The following CAMK1D variants were observed in gnomAD, a reference collection of about 807,000 sequenced individuals.
CAMK1D encodes calcium/calmodulin-dependent protein kinase type 1D.
CAMK1D carries 9 observed loss-of-function variants against 47.7 expected under a neutral mutation model. The observed-to-expected ratio is 0.19, with a 90% CI of 0.11 to 0.33. The LOEUF is 0.33. Ranked by LOEUF, CAMK1D falls within the 10% of genes least tolerant of loss-of-function variation. The probability of loss-of-function intolerance (pLI) is 1.00; values close to 1 mark genes in which losing one functional copy is unlikely to be tolerated. For missense variants in CAMK1D, 291 were observed against 488.7 expected, an observed-to-expected ratio of 0.60 and a Z score of 3.81; for synonymous variants, 184 against 184.9, an observed-to-expected ratio of 0.99 and a Z score of 0.04.
At chr10:12,814,458 C>G (rs1588959940) in intron 7 of CAMK1D, 151 bp downstream of exon 7, 2 of 537,730 alleles carry the variant, frequency 3.7e-6, no homozygotes, top group East Asian at 5.9e-5. Flanking sequence ...ATACCATAGA[C>G]TGGGTGGCTC....
chr10:12,378,315 T>C (rs1361191176), intron 1 of CAMK1D, among the ~76,000 whole-genome samples: 1 of 152,176 alleles, frequency 6.6e-6, no homozygotes. Flanking sequence ...GGTGCAATCA[T>C]AGCTCACTGC....
chr10:12,808,769 A>G (rs964801769), intron 6 of CAMK1D, among the ~76,000 whole-genome samples: 2 of 151,770 alleles, frequency 1.3e-5, no homozygotes, highest in Non-Finnish European at 2.9e-5. Flanking sequence ...CAAGAGCGAA[A>G]CTCCTTCTCA....
intron 2 of CAMK1D, among the ~76,000 whole-genome samples, chr10:12,613,169 G>C (rs752465910): frequency 1.3e-5 from 2 of 152,130 alleles, no homozygotes; most frequent in Non-Finnish European, 2.9e-5. Context: ...CAATCTCAAG[G>C]CTCCAGGAAA....
chr10:12,745,289 C>CA (rs1458250918), intron 3 of CAMK1D, among the ~76,000 whole-genome samples: 1 of 152,224 alleles, frequency 6.6e-6, no homozygotes, highest in Non-Finnish European at 1.5e-5. Flanking sequence ...CTCAGCCTCT[C>CA]AAAGTGCTGG....
chr10:12,412,571 C>T (rs1161237348), intron 1 of CAMK1D, among the ~76,000 whole-genome samples: 3 of 147,234 alleles, frequency 2.0e-5, no homozygotes, highest in East Asian at 2.0e-4. Context: ...TGCAGTGAGC[C>T]GAGATCGTGT....
chr10:12,805,136 G>A (rs567137060), intron 6 of CAMK1D, among the ~76,000 whole-genome samples: 3 of 150,806 alleles, frequency 2.0e-5, no homozygotes, highest in Admixed American at 1.3e-4. Context: ...GCGCACACCT[G>A]TAGTCCCAGC....
chr10:12,753,740 T>C (rs1836098830), intron 3 of CAMK1D, among the ~76,000 whole-genome samples: 1 of 152,204 alleles, frequency 6.6e-6, no homozygotes, highest in African/African-American at 2.4e-5. Context: ...CCAGCATTTC[T>C]AACCCTTCTC....
chr10:12,357,680 T>A (rs976394350), intron 1 of CAMK1D, among the ~76,000 whole-genome samples: 3 of 152,100 alleles, frequency 2.0e-5, no homozygotes, highest in African/African-American at 7.2e-5. Context: ...GGTGCCCGAG[T>A]CAGCGGACCC....
Position 12,466,458 on chromosome 10 carries a change from A to G in CAMK1D, c.93-86767A>G, listed in dbSNP as rs188669039. On this transcript the variant is annotated intron_variant, in intron 1 of 10. Coordinates refer to ENST00000619168, the MANE Select transcript of CAMK1D (RefSeq NM_153498.4). ...AATTTAGCTGGGAGTGGTGGCACAT[A>G]CCTGTAGTCCTAGCTACTTGAGAGG... 2.7e-3 allele frequency among the ~76,000 whole-genome samples: 410 copies of G among 152,096 alleles called. 1 individual carries two copies. The highest frequency in any genetic ancestry group is 4.7e-3 in the Non-Finnish European group (317 of 67,974).
intron 3 of CAMK1D, among the ~76,000 whole-genome samples, chr10:12,690,227 C>T (rs147950753): frequency 6.2e-4 from 94 of 152,298 alleles, no homozygotes; most frequent in African/African-American, 2.1e-3. Flanking sequence ...TGGAGTACTT[C>T]CTGTGCCAGC....
At chr10:12,784,829 G>A (rs879624210) in intron 5 of CAMK1D, among the ~76,000 whole-genome samples, 18 of 152,220 alleles carry the variant, frequency 1.2e-4, no homozygotes, top group Admixed American at 9.8e-4. Flanking sequence ...AAATAATGGT[G>A]TGTGGCGACT....
chr10:12,426,522 G>A (rs1192501220), intron 1 of CAMK1D, among the ~76,000 whole-genome samples: 6 of 152,172 alleles, frequency 3.9e-5, no homozygotes, highest in Non-Finnish European at 7.3e-5. Flanking sequence ...TGGGATTACA[G>A]GCGTGAGCCA....
rs112979355 is a variant in CAMK1D, at chr10:12,382,776, G to A, written c.92+32866G>A. ...GGAGGCGGAGGTTGCAGTGAGCTGA[G>A]ATCGCGCCACTGCACTCCAGCCTGG... On this transcript the variant is annotated intron_variant, in intron 1 of 10. Transcript: ENST00000619168. 4.6e-3 allele frequency among the ~76,000 whole-genome samples: 707 copies of A among 152,276 alleles called. 7 individuals carry two copies. The highest frequency in any genetic ancestry group is 0.016 in the African/African-American group (649 of 41,548).
chr10:12,363,492 T>C (rs998842120), intron 1 of CAMK1D, among the ~76,000 whole-genome samples: 1 of 152,248 alleles, frequency 6.6e-6, no homozygotes, highest in Non-Finnish European at 1.5e-5. Flanking sequence ...TGACCTCTGG[T>C]GATCTGCCCT....
intron 1 of CAMK1D, among the ~76,000 whole-genome samples, chr10:12,378,516 C>T (rs1205673822): frequency 6.7e-6 from 1 of 149,338 alleles, no homozygotes; most frequent in Non-Finnish European, 1.5e-5. Context: ...ATTATAGGTA[C>T]GAACCACTGT....
At chr10:12,698,029 A>T (rs1564501943) in intron 3 of CAMK1D, among the ~76,000 whole-genome samples, 1 of 152,194 alleles carries the variant, frequency 6.6e-6, no homozygotes, top group African/African-American at 2.4e-5. Flanking sequence ...TGGCCTTGGA[A>T]TGGCTGCCAT....
intron 1 of CAMK1D, among the ~76,000 whole-genome samples, chr10:12,406,722 C>CAAAAAAAAA (rs3061400): frequency 1.0e-4 from 7 of 69,244 alleles, no homozygotes; most frequent in Non-Finnish European, 1.8e-4. Context: ...GACCCTGTCT[C>CAAAAAAAAA]AAAAAAAAAA....
intron 3 of CAMK1D, among the ~76,000 whole-genome samples, chr10:12,730,197 G>A (rs1199972412): frequency 6.6e-6 from 1 of 152,158 alleles, no homozygotes; most frequent in Non-Finnish European, 1.5e-5. Flanking sequence ...TTGCCAGGGA[G>A]ATAGGGAGAT....
intron 10 of CAMK1D, among the ~76,000 whole-genome samples, chr10:12,827,270 C>CCCTCCCTCCCT (rs1367844640): frequency 3.2e-5 from 2 of 63,264 alleles, no homozygotes; most frequent in Non-Finnish European, 7.1e-5. Context: ...TTCTTTCCTT[C>CCCTCCCTCCCT]TCTTTCTTTT....
Sources: gnomAD v4.1 joint callset for allele counts (sites outside exome capture counted in the v4.1 genomes callset) on GRCh38, gnomAD v4.1.1 for gene constraint, MANE v1.5 for transcripts, NCBI Gene and HGNC (gene_info 2026-07-23, HGNC 2026-07-21) for gene names.